The following CBL variants were observed in gnomAD, a reference collection of about 807,000 sequenced individuals.
CBL encodes E3 ubiquitin-protein ligase CBL.
CBL carries 45 observed loss-of-function variants against 96.9 expected under a neutral mutation model. The observed-to-expected ratio is 0.46, with a 90% CI of 0.37 to 0.60. The LOEUF (loss-of-function observed/expected upper bound fraction) is 0.60. Ranked by LOEUF, CBL falls within the 20% of genes least tolerant of loss-of-function variation. The pLI, the probability that CBL is intolerant of heterozygous loss-of-function variation, is 0.00. For synonymous variants in CBL, 420 were observed against 426.8 expected, an observed-to-expected ratio of 0.98 and a Z score of 0.20; for missense variants, 1,024 against 1,143.5, an observed-to-expected ratio of 0.90 and a Z score of 1.51.
chr11:119,234,129 C>T (rs942060495), intron 2 of CBL, among the ~76,000 whole-genome samples: 16 of 152,138 alleles, frequency 1.1e-4, no homozygotes, highest in African/African-American at 3.9e-4. Flanking sequence ...GTCTCAGCCT[C>T]CTTAGTAGCT....
rs144957664 is a variant in CBL at position 119,307,227 on chromosome 11, C to T, written c.*7446C>T. ...TGGTTCCAATCACAAGCTTAGTTATCAGGTTGCATGCCTTGTCTCCTGCAA... is the reference window on the plus strand; with the variant it reads ...TGGTTCCAATCACAAGCTTAGTTATTAGGTTGCATGCCTTGTCTCCTGCAA... On this transcript the variant is annotated 3_prime_UTR_variant, in exon 16 of 16. Coordinates refer to ENST00000264033, the MANE Select transcript of CBL (RefSeq NM_005188.4). The T allele has an allele frequency of 1.1e-3, 250 of 232,466 alleles. No homozygotes were observed. Among genetic ancestry groups the T allele is most frequent in the African/African-American group, 5.3e-3 (239 of 45,360 alleles). The allele number at this position is 232,466 out of a possible 1,614,324, so 14.4% of individuals were successfully genotyped here.
Position 119,271,583 on chromosome 11 carries a change from TGAATAATACTG to T in CBL, c.444-150_444-140del, listed in dbSNP as rs1592397216. 3 of 700,368 alleles carry T rather than the reference TGAATAATACTG, an allele frequency of 4.3e-6. No individual in the cohort carries two copies. In the East Asian group the frequency reaches 8.3e-5, roughly 19 times the overall value. 43.4% of individuals were successfully genotyped at this position (700,368 alleles called of 1,614,324 possible). On this transcript the variant is annotated intron_variant, in intron 2 of 15. Transcript: ENST00000264033. ...TCTCTTCTCTACTTTTTTATATCCT[TGAATAATACTG>T]GCCAGAAAGAATATTTGAAGAGGTT...
chr11:119,263,668 TTTTG>T (rs756732898), intron 2 of CBL, among the ~76,000 whole-genome samples: 3 of 152,226 alleles, frequency 2.0e-5, no homozygotes, highest in Non-Finnish European at 4.4e-5. Flanking sequence ...TTTTGTTTTG[TTTTG>T]TTTTTTAACA....
chr11:119,242,512 T>G (rs1440460971), intron 2 of CBL, among the ~76,000 whole-genome samples: 1 of 128,392 alleles, frequency 7.8e-6, no homozygotes, highest in Non-Finnish European at 1.6e-5. Context: ...CACTCTAGCC[T>G]GAGTGACAGA....
chr11:119,287,940 C>A lies in CBL; in HGVS notation c.2030C>A (p.Ala677Asp). ...SSSANAIYSL[A>D]ARPLPVPKLP... ...TCTGCCAATGCCATTTATTCTCTGG[C>A]TGCCAGGTAAGTCTGCTAAAGCTAT... Residue 677 changes from alanine to aspartate, a missense_variant, in exon 12 of 16, where the codon GCT becomes GAT. By Grantham distance (126) the Ala-to-Asp change is moderately radical. Coordinates refer to ENST00000264033, the MANE Select transcript of CBL (RefSeq NM_005188.4). The A allele has an allele frequency of 6.2e-7, 1 of 1,610,410 alleles. No individual in the cohort carries two copies. Among genetic ancestry groups the A allele is most frequent in the Non-Finnish European group, 8.5e-7 (1 of 1,176,616 alleles).
Position 119,285,364 on chromosome 11 carries a change from C to CT in CBL, c.1740dup (p.Val581CysfsTer4). Reference sequence around the variant, plus strand: ...TGTCCCTCCAGAGACAAACTGCCCCCTGTCCCCTCTAGCCGCCTTGGAGAC... The same window carrying CT: ...TGTCCCTCCAGAGACAAACTGCCCCCTTGTCCCCTCTAGCCGCCTTGGAGAC... On this transcript the variant is annotated frameshift_variant, in exon 11 of 16. Coordinates refer to ENST00000264033, the MANE Select transcript of CBL (RefSeq NM_005188.4). LOFTEE classifies it high-confidence loss of function. The CT allele has an allele frequency of 6.2e-7, 1 of 1,614,204 alleles. No individual in the cohort carries two copies. The highest frequency in any genetic ancestry group is 8.5e-7 in the Non-Finnish European group (1 of 1,180,024).
At chr11:119,212,704 AT>A (rs1214945882) in intron 1 of CBL, among the ~76,000 whole-genome samples, 1 of 151,486 alleles carries the variant, frequency 6.6e-6, no homozygotes, top group Non-Finnish European at 1.5e-5. Context: ...AACTAGTAGT[AT>A]TTTTAAAAAT....
Position 119,302,860 on chromosome 11 carries a change from C to T in CBL, c.*3079C>T, listed in dbSNP as rs1950111033. On this transcript the variant is annotated 3_prime_UTR_variant, in exon 16 of 16. Transcript: ENST00000264033. ...CTACCTGTGGGTGGCCGTTCTCTTC[C>T]ACTTGCTCGTCTCCCCCCAGCCCCA... is the stretch of plus-strand genomic sequence containing the variant. 4.3e-6 allele frequency: 1 copy of T among 231,182 alleles called. No homozygotes were observed. Among genetic ancestry groups the T allele is most frequent in the Non-Finnish European group, 8.6e-6 (1 of 116,796 alleles). The allele number at this position is 231,182 out of a possible 1,614,324, so 14.3% of individuals were successfully genotyped here.
At chr11:119,293,660 T>C (rs1204370503) in intron 12 of CBL, among the ~76,000 whole-genome samples, 1 of 152,194 alleles carries the variant, frequency 6.6e-6, no homozygotes, top group African/African-American at 2.4e-5. Context: ...CCTTATACCT[T>C]GGCTGTCATT....
chr11:119,277,224 A>C (rs1949895659), intron 6 of CBL, among the ~76,000 whole-genome samples: 1 of 121,330 alleles, frequency 8.2e-6, no homozygotes, highest in Non-Finnish European at 1.7e-5. Flanking sequence ...CTCAAAAAAA[A>C]AATAAGAATC....
chr11:119,285,640 A>G (rs1949979441), intron 11 of CBL, 74 bp downstream of exon 11: 15 of 1,540,916 alleles, frequency 9.7e-6, no homozygotes, highest in African/African-American at 1.4e-5. Context: ...TCATGTCTGT[A>G]ATCCCAGCAA....
chr11:119,293,968 A>G (rs1398316498), intron 12 of CBL, among the ~76,000 whole-genome samples: 1 of 152,182 alleles, frequency 6.6e-6, no homozygotes, highest in Non-Finnish European at 1.5e-5. Flanking sequence ...CCCCTAATAC[A>G]GGGCTTACTC....
intron 1 of CBL, among the ~76,000 whole-genome samples, chr11:119,220,488 A>G (rs1049136804): frequency 1.2e-4 from 19 of 152,298 alleles, no homozygotes; most frequent in African/African-American, 3.8e-4. Context: ...AGTCCCAGCT[A>G]CTGGGGAGGC....
chr11:119,265,307 G>T (rs533250674), intron 2 of CBL, among the ~76,000 whole-genome samples: 5 of 152,026 alleles, frequency 3.3e-5, no homozygotes, highest in African/African-American at 1.2e-4. Flanking sequence ...TGATATTTCT[G>T]TGTTAATTCT....
chr11:119,291,743 A>AATAGGCCAGGTGTAG, intron 12 of CBL, among the ~76,000 whole-genome samples: 1 of 152,236 alleles, frequency 6.6e-6, no homozygotes, highest in African/African-American at 2.4e-5. Context: ...AAAAATGATA[A>AATAGGCCAGGTGTAG]TGCTTATTTT....
At chr11:119,273,698 C>T (rs982939931) in intron 3 of CBL, among the ~76,000 whole-genome samples, 170 bp from the exon 4 acceptor site, 16 of 152,190 alleles carry the variant, frequency 1.1e-4, no homozygotes, top group African/African-American at 3.9e-4. Flanking sequence ...CACCATGGCT[C>T]CTGGTCCCCT....
In CBL at chr11:119,232,493, C is replaced by G; in HGVS notation, c.241C>G (p.Pro81Ala). The G allele has an allele frequency of 1.2e-6, 2 of 1,613,888 alleles. No homozygotes were observed. The highest frequency in any genetic ancestry group is 1.7e-6 in the Non-Finnish European group (2 of 1,179,848). The change falls in exon 2 of 16, where the codon CCA becomes GCA. Residue 81 changes from proline to alanine, a missense_variant. Pro to Ala is a conservative substitution (Grantham distance 27, BLOSUM62 -1). Around this residue, in one of 4 missense-constraint regions of CBL, gnomAD observed 114 missense variants for 117.4 expected, o/e 0.97. Transcript: ENST00000264033. Reference protein sequence around the residue: ...QNPKLALKNSPPYILDLLPDT... With the variant: ...QNPKLALKNSAPYILDLLPDT... The stretch of plus-strand genomic sequence containing the variant: ...CCCAAAGCTGGCGCTAAAGAATAGC[C>G]CACCTTATATCTTAGACCTGCTACC...
intron 11 of CBL, among the ~76,000 whole-genome samples, chr11:119,287,001 C>A (rs544161772): frequency 8.3e-4 from 126 of 152,222 alleles, no homozygotes; most frequent in Non-Finnish European, 1.3e-3. Context: ...GAGCAGAAAC[C>A]TGTAGCAGTA....
intron 2 of CBL, among the ~76,000 whole-genome samples, chr11:119,258,629 A>T (rs765550641): frequency 3.9e-5 from 6 of 152,048 alleles, no homozygotes; most frequent in Non-Finnish European, 7.4e-5. Flanking sequence ...CATTCAATTG[A>T]TCTATGTATC....
Sources: allele counts gnomAD v4.1 joint callset (sites outside exome capture counted in the v4.1 genomes callset), GRCh38; gene constraint gnomAD v4.1.1; regional missense constraint gnomAD v4.1.1; transcripts MANE v1.5; gene names NCBI Gene and HGNC (gene_info 2026-07-23, HGNC 2026-07-21).